Variants in ADGRL3 observed in about 807,000 individuals in gnomAD.
ADGRL3 encodes adhesion G protein-coupled receptor L3, also known as calcium-independent alpha-latrotoxin receptor 3.
ADGRL3 carries 62 observed loss-of-function variants against 153.5 expected under a neutral mutation model. That is an observed-to-expected ratio of 0.40 (90% CI 0.33 to 0.50). The LOEUF is 0.50. Among genes scored for constraint, ADGRL3 ranks in the 20% least tolerant of loss-of-function variants. The pLI is 0.47. For missense variants in ADGRL3, 1,641 were observed against 1,859.4 expected (o/e 0.88, Z 2.16); for synonymous variants, 710 against 672.5 (o/e 1.06, Z -0.86).
At chr4:61,901,374 GACA>G (rs2098663621) in intron 11 of ADGRL3, among the ~76,000 whole-genome samples, 2 of 152,152 alleles carry the variant, frequency 1.3e-5, no homozygotes, top group Admixed American at 1.3e-4. Flanking sequence ...TACAACGTTT[GACA>G]ACGAGTCAGT....
intron 9 of ADGRL3, among the ~76,000 whole-genome samples, chr4:61,819,363 G>C (rs1413549365): frequency 1.3e-5 from 2 of 151,894 alleles, no homozygotes; most frequent in Admixed American, 6.6e-5. Flanking sequence ...ACTAACACTA[G>C]CTAACCATCT....
chr4:61,315,623 T>C (rs913639496), intron 1 of ADGRL3, among the ~76,000 whole-genome samples: 4 of 152,148 alleles, frequency 2.6e-5, no homozygotes, highest in Admixed American at 1.3e-4. Context: ...GATATAAATG[T>C]AATAGCATCT....
chr4:61,891,271 G>T (rs2098582802), intron 9 of ADGRL3, among the ~76,000 whole-genome samples: 1 of 152,134 alleles, frequency 6.6e-6, no homozygotes, highest in South Asian at 2.1e-4. Context: ...GGTTATTTGG[G>T]AGATATAGTA....
chr4:61,556,350 A>C (rs547218023), intron 4 of ADGRL3, among the ~76,000 whole-genome samples: 4 of 152,244 alleles, frequency 2.6e-5, no homozygotes, highest in African/African-American at 4.8e-5. Context: ...GGAGTACAAA[A>C]GGCTGTGAGA....
At chr4:61,792,335 C>T (rs1036315466) in intron 8 of ADGRL3, among the ~76,000 whole-genome samples, 3 of 152,098 alleles carry the variant, frequency 2.0e-5, no homozygotes, top group Admixed American at 2.0e-4. Flanking sequence ...GCAAGAGTCA[C>T]CTTTGCTCCA....
At chr4:61,652,450 T>C (rs1302050140) in intron 5 of ADGRL3, among the ~76,000 whole-genome samples, 1 of 152,194 alleles carries the variant, frequency 6.6e-6, no homozygotes, top group African/African-American at 2.4e-5. Context: ...CTAAGCCTGT[T>C]TCAACACACT....
intron 2 of ADGRL3, among the ~76,000 whole-genome samples, chr4:61,449,690 C>T (rs2097650690): frequency 1.3e-5 from 2 of 152,156 alleles, no homozygotes; most frequent in South Asian, 4.1e-4. Flanking sequence ...AGTATTTCCA[C>T]ACAGGAAGCT....
chr4:61,619,985 T>C (rs925639846), intron 5 of ADGRL3, among the ~76,000 whole-genome samples: 41 of 152,018 alleles, frequency 2.7e-4, no homozygotes, highest in African/African-American at 9.7e-4. Context: ...AAGAGTAGAA[T>C]TAGTGAGTAA....
At chr4:61,939,179 C>A (rs1312575018) in intron 15 of ADGRL3, among the ~76,000 whole-genome samples, 2 of 152,062 alleles carry the variant, frequency 1.3e-5, no homozygotes, top group African/African-American at 4.8e-5. Context: ...AATAACATGA[C>A]AGTTGAGTTT....
At chr4:61,561,423 ATGTTTCCTGACAAAGCTTCTC>A (rs1560843853) in intron 4 of ADGRL3, among the ~76,000 whole-genome samples, 1 of 152,142 alleles carries the variant, frequency 6.6e-6, no homozygotes, top group Non-Finnish European at 1.5e-5. Flanking sequence ...TAGAATCTTT[ATGTTTCCTGACAAAGCTTCTC>A]TGTTTCCTGA....
chr4:61,534,282 A>T (rs1242954188), intron 4 of ADGRL3, among the ~76,000 whole-genome samples: 1 of 151,850 alleles, frequency 6.6e-6, no homozygotes, highest in African/African-American at 2.4e-5. Flanking sequence ...TTTTCGTTCT[A>T]TTCTGTTCCA....
chr4:61,843,849 TA>T (rs201715070), intron 9 of ADGRL3, among the ~76,000 whole-genome samples: 1 of 151,388 alleles, frequency 6.6e-6, no homozygotes, highest in Non-Finnish European at 1.5e-5. Context: ...TCCATCTCCA[TA>T]AAAAAAATAA....
intron 25 of ADGRL3, among the ~76,000 whole-genome samples, chr4:62,051,202 A>C (rs1734034525): frequency 6.7e-6 from 1 of 149,376 alleles, no homozygotes; most frequent in Non-Finnish European, 1.5e-5. Flanking sequence ...ATACATACAC[A>C]AAGGATATAT....
intron 1 of ADGRL3, among the ~76,000 whole-genome samples, chr4:61,360,475 C>T (rs1199816685): frequency 1.3e-5 from 2 of 152,068 alleles, no homozygotes; most frequent in African/African-American, 4.8e-5. Flanking sequence ...GGAAATTACG[C>T]AGTGGTCTTT....
chr4:61,280,323 G>A lies in ADGRL3; in HGVS notation c.-240+78558G>A, dbSNP rs554930559. Among the ~76,000 whole-genome samples, 188 of 151,728 alleles carry A rather than the reference G, an allele frequency of 1.2e-3. 3 individuals carry two copies. Among genetic ancestry groups the A allele is most frequent in the Admixed American group, 3.0e-3 (45 of 15,200 alleles). ...CGGGTTTCACCATATTGGCCAGGATGGTCTCGATCTCCTGACCTCATGATC... is the reference window on the plus strand; with the variant it reads ...CGGGTTTCACCATATTGGCCAGGATAGTCTCGATCTCCTGACCTCATGATC... On this transcript the variant is annotated intron_variant, in intron 1 of 26. Coordinates refer to ENST00000683033, the MANE Select transcript of ADGRL3 (RefSeq NM_001387552.1).
chr4:61,302,580 C>T (rs1344780917), intron 1 of ADGRL3, among the ~76,000 whole-genome samples: 1 of 151,958 alleles, frequency 6.6e-6, no homozygotes, highest in Non-Finnish European at 1.5e-5. Context: ...TTTAACTTCA[C>T]TCCTAAAGTT....
At chr4:61,966,031 A>T (rs2089746507) in intron 17 of ADGRL3, among the ~76,000 whole-genome samples, 1 of 152,202 alleles carries the variant, frequency 6.6e-6, no homozygotes, top group African/African-American at 2.4e-5. Context: ...GAAGATCCGC[A>T]TTCTGCTTAA....
intron 8 of ADGRL3, among the ~76,000 whole-genome samples, chr4:61,748,999 C>G (rs1485409247): frequency 6.6e-6 from 1 of 151,276 alleles, no homozygotes; most frequent in Non-Finnish European, 1.5e-5. Flanking sequence ...ACAATGAACT[C>G]AAACAAATTT....
chr4:62,030,408 A>G (rs1721357590), intron 22 of ADGRL3, among the ~76,000 whole-genome samples: 1 of 151,596 alleles, frequency 6.6e-6, no homozygotes, highest in Non-Finnish European at 1.5e-5. Flanking sequence ...TTATTAGTGT[A>G]TAGCGATCTC....
Sources: gnomAD v4.1 joint callset for allele counts (sites outside exome capture counted in the v4.1 genomes callset) on GRCh38, gnomAD v4.1.1 for gene constraint, MANE v1.5 for transcripts, NCBI Gene and HGNC (gene_info 2026-07-23, HGNC 2026-07-21) for gene names.